Variants in SLAMF6 observed in about 807,000 individuals in gnomAD.
SLAMF6 encodes SLAM family member 6, also known as NK-T-B-antigen.
In SLAMF6, 21 loss-of-function variants were observed where a neutral mutation model predicts 38.3. The observed-to-expected ratio is 0.55, with a 90% CI of 0.39 to 0.79. The LOEUF is 0.79. SLAMF6 is among the 30% of genes least tolerant of loss of function. The pLI, the probability that SLAMF6 is intolerant of heterozygous loss-of-function variation, is 0.00. For synonymous variants in SLAMF6, 152 were observed against 146.3 expected, an observed-to-expected ratio of 1.04 and a Z score of -0.28; for missense variants, 341 against 385.3, an observed-to-expected ratio of 0.89 and a Z score of 0.96.
intron 1 of SLAMF6, among the ~76,000 whole-genome samples, chr1:160,516,177 C>G (rs1654734226): frequency 6.6e-6 from 1 of 151,998 alleles, no homozygotes; most frequent in Non-Finnish European, 1.5e-5. Flanking sequence ...AAAATCAATG[C>G]AGAAGTTACA....
At chr1:160,490,754 T>G in intron 3 of SLAMF6, 69 bp from the exon 4 acceptor site, 3 of 1,571,346 alleles carry the variant, frequency 1.9e-6, no homozygotes, top group Non-Finnish European at 2.6e-6. Context: ...GGAGCCTCCG[T>G]GGAGCCTCTT....
At chr1:160,516,646 C>A (rs1177602714) in intron 1 of SLAMF6, among the ~76,000 whole-genome samples, 1 of 152,084 alleles carries the variant, frequency 6.6e-6, no homozygotes, top group African/African-American at 2.4e-5. Context: ...GTACATGGTA[C>A]TGGTACAAAA....
At chr1:160,501,079 A>G (rs1012245188) in intron 1 of SLAMF6, among the ~76,000 whole-genome samples, 1 of 152,206 alleles carries the variant, frequency 6.6e-6, no homozygotes, top group African/African-American at 2.4e-5. Context: ...CAAGCACAGA[A>G]ATTTATTTAT....
At chr1:160,520,701 G>C (rs150824876) in intron 1 of SLAMF6, among the ~76,000 whole-genome samples, 64 of 152,236 alleles carry the variant, frequency 4.2e-4, no homozygotes, top group African/African-American at 1.5e-3. Flanking sequence ...TTTTCAATAT[G>C]GTTTGTCTTT....
intron 1 of SLAMF6, among the ~76,000 whole-genome samples, chr1:160,504,486 G>A (rs141636730): frequency 4.0e-3 from 602 of 152,234 alleles, no homozygotes; most frequent in Middle Eastern, 0.014. Flanking sequence ...GAAGACAGCC[G>A]TCTACATTTT....
At position 160,486,282 on chromosome 1, in the gene SLAMF6, C is replaced by T. The variant is rs1652958614; in HGVS notation, c.*425G>A. ...ATGCTCAACTTGTATCAGGATGGGC[C>T]CATCCAACTCCAGAGACTACACATG... On this transcript the variant is annotated 3_prime_UTR_variant, in exon 8 of 8. Transcript: ENST00000368057. 1 of 157,546 alleles carries T rather than the reference C, an allele frequency of 6.3e-6. No individual in the cohort carries two copies. Among genetic ancestry groups the T allele is most frequent in the Admixed American group, 6.4e-5 (1 of 15,732 alleles). 9.8% of individuals were successfully genotyped at this position (157,546 alleles called of 1,614,324 possible). A position where few individuals can be genotyped will look rare whatever the true frequency, so the allele number is the denominator to read the frequency against.
intron 2 of SLAMF6, 67 bp from the exon 3 acceptor site, chr1:160,491,455 T>C: frequency 6.4e-7 from 1 of 1,556,366 alleles, no homozygotes; most frequent in Non-Finnish European, 8.6e-7. Flanking sequence ...CTGTGAAAAA[T>C]ATCCTTCACC....
At chr1:160,517,501 G>T (rs1000664879) in intron 1 of SLAMF6, among the ~76,000 whole-genome samples, 1 of 152,138 alleles carries the variant, frequency 6.6e-6, no homozygotes, top group Admixed American at 6.5e-5. Context: ...TCCCATTTCT[G>T]GGTATATACC....
At chr1:160,490,500 TTGGGAATCAGAGGCCCCAAACTCTCAATC>T in intron 4 of SLAMF6, 46 bp downstream of exon 4, 1 of 1,565,720 alleles carries the variant, frequency 6.4e-7, no homozygotes. Context: ...CAAGAGATCC[TTGGGAATCAGAGGCCCCAAACTCTCAATC>T]ACTGGAACCT....
chr1:160,504,955 G>C (rs140717936), intron 1 of SLAMF6, among the ~76,000 whole-genome samples: 1 of 152,162 alleles, frequency 6.6e-6, no homozygotes, highest in Non-Finnish European at 1.5e-5. Flanking sequence ...CAAGGCTAAC[G>C]CAGAGTGGTA....
intron 1 of SLAMF6, among the ~76,000 whole-genome samples, chr1:160,508,270 T>C (rs1654291833): frequency 6.6e-6 from 1 of 152,298 alleles, no homozygotes; most frequent in African/African-American, 2.4e-5. Context: ...ACTACAAGGC[T>C]ACAGTAACCA....
At chr1:160,497,096 A>G (rs1452132072) in intron 1 of SLAMF6, among the ~76,000 whole-genome samples, 1 of 152,162 alleles carries the variant, frequency 6.6e-6, no homozygotes, top group Non-Finnish European at 1.5e-5. Flanking sequence ...TCTTCATGAT[A>G]CCAGAAGATT....
At chr1:160,513,121 A>C (rs1654575495) in intron 1 of SLAMF6, among the ~76,000 whole-genome samples, 2 of 152,198 alleles carry the variant, frequency 1.3e-5, no homozygotes, top group South Asian at 4.1e-4. Context: ...TCAGGATAAA[A>C]CATTACAGGA....
chr1:160,491,266 A>G lies in SLAMF6; in HGVS notation c.505T>C (p.Leu169=), dbSNP rs1259727110. The G allele has an allele frequency of 6.2e-7, 1 of 1,613,974 alleles. No individual in the cohort carries two copies. The highest frequency in any genetic ancestry group is 1.3e-5 in the African/African-American group (1 of 74,908). Residue 169 remains leucine (L), a synonymous_variant, in exon 3 of 8, where the codon TTG becomes CTG. Transcript: ENST00000368057. ...GGCTGACTTGAAAGTGTGTTTCCCA[A>G]GGCCTCCCATCTGAATGAGACATTG... ...DDNVSFRWEA[L]GNTLSSQPNL...
rs1339746959 is a variant in SLAMF6, at chr1:160,491,298, G to T, written c.473C>A (p.Ala158Glu). 1.9e-6 allele frequency: 3 copies of T among 1,614,030 alleles called. No individual in the cohort carries two copies. The South Asian group carries it at 3.3e-5, about 18-fold the overall frequency. Residue 158 changes from alanine (A) to glutamate (E), a missense_variant, in exon 3 of 8, where the codon GCA (alanine) becomes GAA (glutamate). Physicochemically the swap from Ala to Glu is moderately radical, Grantham distance 107. Transcript: ENST00000368057. The stretch of plus-strand genomic sequence containing the variant: ...CCATCTGAATGAGACATTGTCATCT[G>T]CATCCTCCACAGAGCAAGTCAGATG... The part of the protein sequence containing the change: ...ELHLTCSVED[A>E]DDNVSFRWEA...
rs531858042 is a variant in SLAMF6, at chr1:160,519,659, G to C, written c.49+3485C>G. ...ACATGGTTCAGCATAGGTGAACCTG[G>C]AAAACATGATGCTAAGTGAAAGAAG... On this transcript the variant is annotated intron_variant, in intron 1 of 7. Transcript: ENST00000368057. 3.2e-4 allele frequency among the ~76,000 whole-genome samples: 48 copies of C among 151,994 alleles called. 1 individual carries two copies. The highest frequency in any genetic ancestry group is 2.2e-3 in the Admixed American group (34 of 15,196).
chr1:160,517,707 T>A (rs1402618411), intron 1 of SLAMF6, among the ~76,000 whole-genome samples: 1 of 152,072 alleles, frequency 6.6e-6, no homozygotes, highest in Non-Finnish European at 1.5e-5. Flanking sequence ...TTTGCAGGAA[T>A]GTGGATGAAG....
chr1:160,501,190 T>A (rs1000966941), intron 1 of SLAMF6, among the ~76,000 whole-genome samples: 1 of 152,182 alleles, frequency 6.6e-6, no homozygotes, highest in African/African-American at 2.4e-5. Flanking sequence ...GGCATATTTA[T>A]TAGGTCTGTT....
chr1:160,510,038 C>A (rs918874829), intron 1 of SLAMF6, among the ~76,000 whole-genome samples: 1 of 151,654 alleles, frequency 6.6e-6, no homozygotes, highest in Admixed American at 6.6e-5. Flanking sequence ...CATAAAATAC[C>A]AAGACTGACT....
Sources: gnomAD v4.1 joint callset for allele counts (sites outside exome capture counted in the v4.1 genomes callset) on GRCh38, gnomAD v4.1.1 for gene constraint, MANE v1.5 for transcripts, NCBI Gene and HGNC (gene_info 2026-07-23, HGNC 2026-07-21) for gene names.